RBFOX1: variants seen among roughly 807,000 people sequenced by gnomAD.
RBFOX1 encodes RNA binding fox-1 homolog 1.
In RBFOX1, 8 loss-of-function variants were observed where a neutral mutation model predicts 57.7. The ratio of observed to expected loss-of-function variants is 0.14; its 90% confidence interval spans 0.08 to 0.25. The LOEUF (loss-of-function observed/expected upper bound fraction) is 0.25, where lower values mean the gene tolerates loss of function less well. Among genes scored for constraint, RBFOX1 ranks in the 10% least tolerant of loss-of-function variants. The pLI is 1.00. For missense variants in RBFOX1, 611 were observed against 548.5 expected (o/e 1.11, Z -1.14); for synonymous variants, 326 against 222.4 (o/e 1.47, Z -4.15).
intron 1 of RBFOX1, among the ~76,000 whole-genome samples, chr16:6,137,261 C>G (rs1466293867): frequency 6.6e-6 from 1 of 152,120 alleles, no homozygotes; most frequent in African/African-American, 2.4e-5. Flanking sequence ...GTGCCAGATG[C>G]TGATCTAACT....
intron 2 of RBFOX1, among the ~76,000 whole-genome samples, chr16:5,567,957 G>C (rs185801558): frequency 1.2e-3 from 176 of 152,302 alleles, no homozygotes; most frequent in African/African-American, 4.2e-3. Flanking sequence ...GGGCAGAGGG[G>C]CTGGGATTAG....
chr16:7,219,652 G>A (rs534235045), intron 4 of RBFOX1, among the ~76,000 whole-genome samples: 66 of 152,254 alleles, frequency 4.3e-4, no homozygotes, highest in African/African-American at 1.4e-3. Flanking sequence ...TGTCAAACTC[G>A]GAGTAAAACT....
intron 4 of RBFOX1, among the ~76,000 whole-genome samples, chr16:7,216,953 G>A (rs2092148954): frequency 1.4e-5 from 2 of 147,752 alleles, no homozygotes; most frequent in Admixed American, 1.4e-4. Flanking sequence ...ATGCACCCAG[G>A]GCACATTGGT....
chr16:6,616,806 T>C (rs543220732), intron 2 of RBFOX1, among the ~76,000 whole-genome samples: 3 of 152,304 alleles, frequency 2.0e-5, no homozygotes, highest in South Asian at 4.1e-4. Context: ...TTATTCTGAT[T>C]AATGCTGCCA....
At chr16:7,173,819 C>T (rs908512292) in intron 4 of RBFOX1, among the ~76,000 whole-genome samples, 4 of 152,204 alleles carry the variant, frequency 2.6e-5, no homozygotes, top group African/African-American at 9.7e-5. Flanking sequence ...CAATGTCATA[C>T]AACTGTTGTC....
At chr16:6,619,946 G>A (rs955620385) in intron 2 of RBFOX1, among the ~76,000 whole-genome samples, 5 of 152,194 alleles carry the variant, frequency 3.3e-5, no homozygotes, top group South Asian at 2.1e-4. Flanking sequence ...AGTTTTAAGT[G>A]AGAACAAGGA....
chr16:5,642,024 G>T (rs943366186), intron 3 of RBFOX1, among the ~76,000 whole-genome samples: 16 of 152,184 alleles, frequency 1.1e-4, no homozygotes, highest in Non-Finnish European at 1.5e-4. Context: ...AAGGCTGCTG[G>T]TATCTGGACC....
At chr16:7,328,982 A>T (rs1023886299) in intron 4 of RBFOX1, among the ~76,000 whole-genome samples, 4 of 152,200 alleles carry the variant, frequency 2.6e-5, no homozygotes, top group African/African-American at 9.6e-5. Flanking sequence ...TAAAAAAAGA[A>T]TAATATTTTG....
intron 1 of RBFOX1, among the ~76,000 whole-genome samples, chr16:6,299,224 C>G (rs2078501851): frequency 6.6e-6 from 1 of 152,220 alleles, no homozygotes; most frequent in Admixed American, 6.5e-5. Flanking sequence ...ACAAACTCAT[C>G]TGAAACAGTG....
intron 4 of RBFOX1, among the ~76,000 whole-genome samples, chr16:7,110,162 C>A (rs968493140): frequency 2.3e-5 from 3 of 131,994 alleles, no homozygotes; most frequent in East Asian, 2.2e-4. Context: ...CCAGCCTGGG[C>A]AACATAGCGA....
chr16:6,866,624 C>T (rs1384251109), intron 3 of RBFOX1, among the ~76,000 whole-genome samples: 1 of 139,468 alleles, frequency 7.2e-6, no homozygotes, highest in Non-Finnish European at 1.5e-5. Context: ...TCACTGCAAG[C>T]TCCGCCTCCC....
intron 4 of RBFOX1, among the ~76,000 whole-genome samples, chr16:7,119,570 T>TTC (rs1293547226): frequency 6.6e-6 from 1 of 151,834 alleles, no homozygotes; most frequent in Non-Finnish European, 1.5e-5. Context: ...CAAAGTAAAC[T>TTC]TCAGAGGAAA....
chr16:5,618,413 C>T (rs1295798268), intron 3 of RBFOX1, among the ~76,000 whole-genome samples: 2 of 152,110 alleles, frequency 1.3e-5, no homozygotes, highest in Admixed American at 6.5e-5. Context: ...TCTCGGCTCA[C>T]TGCAAGCTCC....
chr16:7,649,201 C>T (rs1597284175), intron 11 of RBFOX1, among the ~76,000 whole-genome samples: 1 of 152,052 alleles, frequency 6.6e-6, no homozygotes, highest in Non-Finnish European at 1.5e-5. Flanking sequence ...TGGTATAATA[C>T]TTGTTTATAT....
chr16:5,971,803 G>T (rs1030115561), intron 4 of RBFOX1, among the ~76,000 whole-genome samples: 1 of 152,082 alleles, frequency 6.6e-6, no homozygotes, highest in African/African-American at 2.4e-5. Flanking sequence ...CCAGATATTT[G>T]GTCAAATATT....
chr16:7,076,475 G>C (rs563876322), intron 4 of RBFOX1, among the ~76,000 whole-genome samples: 17 of 152,202 alleles, frequency 1.1e-4, no homozygotes, highest in Middle Eastern at 3.4e-3. Flanking sequence ...AGATTTCTTG[G>C]TGGAAGTGTA....
At chr16:5,871,575 C>G (rs1158259632) in intron 4 of RBFOX1, among the ~76,000 whole-genome samples, 4 of 152,130 alleles carry the variant, frequency 2.6e-5, no homozygotes, top group Admixed American at 1.3e-4. Flanking sequence ...TGAGAGAGAA[C>G]GAAGTTACCT....
chr16:5,837,162 T>C (rs567064554), intron 3 of RBFOX1, among the ~76,000 whole-genome samples: 1 of 152,050 alleles, frequency 6.6e-6, no homozygotes, highest in Non-Finnish European at 1.5e-5. Context: ...ATCCTGCCAC[T>C]TTCATGATCC....
intron 3 of RBFOX1, among the ~76,000 whole-genome samples, chr16:6,868,485 T>TG (rs1276182250): frequency 6.6e-6 from 1 of 152,014 alleles, no homozygotes; most frequent in East Asian, 1.9e-4. Flanking sequence ...GTTTATGATT[T>TG]TTTTTTGAGA....
Sources: allele counts gnomAD v4.1 joint callset (sites outside exome capture counted in the v4.1 genomes callset), GRCh38; gene constraint gnomAD v4.1.1; transcripts MANE v1.5; gene names NCBI Gene and HGNC (gene_info 2026-07-23, HGNC 2026-07-21).